The following PHIP variants were observed in gnomAD, a reference collection of about 807,000 sequenced individuals.
The protein encoded by PHIP is PHIP subunit of CUL4-Ring ligase complex, also known as PH-interacting protein.
PHIP carries 54 observed loss-of-function variants against 236.8 expected under a neutral mutation model. The ratio of observed to expected loss-of-function variants is 0.23; its 90% CI spans 0.18 to 0.29. The LOEUF (loss-of-function observed/expected upper bound fraction) is 0.29, where lower values mean the gene tolerates loss of function less well. Among genes scored for constraint, PHIP ranks in the 10% least tolerant of loss-of-function variants. The probability of loss-of-function intolerance (pLI) is 1.00; values close to 1 mark genes in which losing one functional copy is unlikely to be tolerated. For synonymous variants in PHIP, 756 were observed against 718.9 expected (o/e 1.05, Z -0.83); for missense variants, 1,370 against 2,190.8 (o/e 0.63, Z 7.48).
At chr6:78,942,178 T>C (rs969138236) in intron 39 of PHIP, among the ~76,000 whole-genome samples, 1 of 152,138 alleles carries the variant, frequency 6.6e-6, no homozygotes, top group Non-Finnish European at 1.5e-5. Context: ...GAACTGTACT[T>C]TGTAAATAAG....
chr6:78,969,282 C>T (rs73464119), intron 27 of PHIP, among the ~76,000 whole-genome samples: 3,223 of 152,220 alleles, frequency 0.021, 118 homozygotes, highest in African/African-American at 0.073. Flanking sequence ...CCATACATAC[C>T]GTGTACACAT....
chr6:78,967,718 G>A (rs1767235095), intron 27 of PHIP, among the ~76,000 whole-genome samples: 1 of 152,170 alleles, frequency 6.6e-6, no homozygotes, highest in South Asian at 2.1e-4. Flanking sequence ...TTAATTCTCT[G>A]TGATTTGTCC....
intron 24 of PHIP, among the ~76,000 whole-genome samples, chr6:78,971,470 A>G (rs916988736): frequency 2.4e-4 from 37 of 152,324 alleles, no homozygotes; most frequent in African/African-American, 8.7e-4. Context: ...ATTTTGGGAT[A>G]GCCACTATCC....
chr6:79,046,453 T>C (rs1407678145), intron 6 of PHIP, among the ~76,000 whole-genome samples: 1 of 151,638 alleles, frequency 6.6e-6, no homozygotes. Context: ...ATTATATTCA[T>C]TGCTTATTTC....
In PHIP at chr6:78,946,013, G is replaced by T; in HGVS notation, c.4618C>A (p.Pro1540Thr). ...FITKANASAI[P>T]GKTILENSVK... is the part of the protein sequence containing the mutation. ...AAGTGAGTCTTACTTGTTTTCCCTG[G>T]TATTGCAGATGCATTAGCTTTTGTA... Residue 1540 changes from proline (P) to threonine (T), a missense_variant, in exon 38 of 40, where the codon CCA becomes ACA. Physicochemically the swap from Pro to Thr is conservative, Grantham distance 38. This residue lies in a region of PHIP where 309 missense variants were observed against 328.3 expected (regional missense o/e 0.94). Transcript: ENST00000275034. 1 of 1,605,518 alleles carries T rather than the reference G, an allele frequency of 6.2e-7. No homozygotes were observed. Among genetic ancestry groups the T allele is most frequent in the Non-Finnish European group, 8.5e-7 (1 of 1,172,410 alleles).
chr6:78,972,993 C>T lies in PHIP; in HGVS notation c.2890-2105G>A, dbSNP rs887479169. Among the ~76,000 whole-genome samples, 7 of 152,218 alleles carry T rather than the reference C, an allele frequency of 4.6e-5. 1 individual carries two copies. Among genetic ancestry groups the T allele is most frequent in the South Asian group, 4.1e-4 (2 of 4,820 alleles). On this transcript the variant is annotated intron_variant, in intron 24 of 39. Coordinates refer to ENST00000275034, the MANE Select transcript of PHIP (RefSeq NM_017934.7). ...CGAGAATTTCCCCAATCTAGCAAGG[C>T]AGGCCAACGTTGAGATTCAGGAAAT...
chr6:78,986,022 T>C (rs1403255036), intron 21 of PHIP, among the ~76,000 whole-genome samples: 1 of 152,212 alleles, frequency 6.6e-6, no homozygotes, highest in African/African-American at 2.4e-5. Context: ...GATAAAATGA[T>C]AACAAATTCC....
At chr6:78,943,552 T>C (rs889814833) in intron 39 of PHIP, among the ~76,000 whole-genome samples, 5 of 152,212 alleles carry the variant, frequency 3.3e-5, no homozygotes, top group Non-Finnish European at 4.4e-5. Context: ...ACACTTATTA[T>C]CTTCTGTATA....
intron 15 of PHIP, among the ~76,000 whole-genome samples, chr6:79,008,768 A>G (rs1266822759): frequency 2.0e-5 from 3 of 152,172 alleles, no homozygotes; most frequent in Non-Finnish European, 4.4e-5. Flanking sequence ...TCCAAGTGCC[A>G]GCTGGCCATT....
In PHIP at chr6:78,958,587, G is replaced by C. The variant is rs1766574269; in HGVS notation, c.3670C>G (p.Leu1224Val). The change falls in exon 32 of 40, where the codon CTA (leucine) becomes GTA (valine). Residue 1224 changes from leucine to valine, a missense_variant. Physicochemically the swap from Leu to Val is conservative, Grantham distance 32. This residue lies in a region of PHIP where 238 missense variants were observed against 398.5 expected (regional missense o/e 0.60). Transcript: ENST00000275034. Reference sequence around the variant, plus strand: ...TCTATATATCGAACTTCCCACATTAGGGAAGAAACCCGCCTTAAAAAAACA... The same window carrying C: ...TCTATATATCGAACTTCCCACATTACGGAAGAAACCCGCCTTAAAAAAACA... ...ENRFYRRVSSLMWEVRYIEHN... is the reference protein window; with the variant it reads ...ENRFYRRVSSVMWEVRYIEHN... The C allele has an allele frequency of 6.4e-7, 1 of 1,569,102 alleles. No individual in the cohort carries two copies. The highest frequency in any genetic ancestry group is 1.4e-5 in the African/African-American group (1 of 73,714).
intron 24 of PHIP, among the ~76,000 whole-genome samples, chr6:78,975,383 C>G (rs1339210875): frequency 6.6e-6 from 1 of 152,036 alleles, no homozygotes; most frequent in Middle Eastern, 3.2e-3. Context: ...TCAAAATAAT[C>G]AGAGCTATCT....
chr6:79,021,308 G>A (rs1311372702), intron 9 of PHIP, among the ~76,000 whole-genome samples: 6 of 152,200 alleles, frequency 3.9e-5, no homozygotes, highest in African/African-American at 7.2e-5. Flanking sequence ...CACCATGCCC[G>A]GCTAATTCTT....
At chr6:78,946,686 G>C in intron 37 of PHIP, 25 bp downstream of exon 37, 1 of 1,524,226 alleles carries the variant, frequency 6.6e-7, no homozygotes, top group Non-Finnish European at 8.7e-7. Context: ...AGATCAGCTA[G>C]TGGTATTTAA....
At position 79,077,834 on chromosome 6, in the gene PHIP, CCGCGCCG is replaced by C. The variant is rs978717840; in HGVS notation, c.99+14_99+20del. 4.9e-6 allele frequency: 7 copies of C among 1,427,932 alleles called. No homozygotes were observed. In the South Asian group the frequency reaches 5.4e-5, roughly 11 times the overall value. 88.5% of individuals were successfully genotyped at this position (1,427,932 alleles called of 1,614,324 possible). A position where few individuals can be genotyped will look rare whatever the true frequency, so the allele number is the denominator to read the frequency against. On this transcript the variant is annotated intron_variant, in intron 2 of 39. Coordinates refer to ENST00000275034, the MANE Select transcript of PHIP (RefSeq NM_017934.7). ...CGCGAGCGGCGAGCGCCGGCCCGGC[CCGCGCCG>C]CGCGCCGCCGTACCTGAGCCGCCTG...
intron 20 of PHIP, 39 bp downstream of exon 20, chr6:78,990,829 A>T: frequency 8.4e-7 from 1 of 1,185,450 alleles, no homozygotes; most frequent in Non-Finnish European, 1.2e-6. Context: ...CACTATACTT[A>T]AGAAGCAAAT....
At chr6:79,047,716 TAC>T (rs1004270045) in intron 6 of PHIP, among the ~76,000 whole-genome samples, 3 of 152,110 alleles carry the variant, frequency 2.0e-5, no homozygotes, top group South Asian at 2.1e-4. Flanking sequence ...TCACAAATTT[TAC>T]ACAGTCAATT....
At chr6:78,963,300 A>C (rs111935183) in intron 29 of PHIP, 48 bp from the exon 30 acceptor site, 5 of 1,468,698 alleles carry the variant, frequency 3.4e-6, no homozygotes, top group African/African-American at 1.4e-5. Flanking sequence ...ACTTATTAGT[A>C]TTCAGGTTAG....
chr6:78,980,176 T>G (rs548581544), intron 23 of PHIP, among the ~76,000 whole-genome samples: 27 of 152,066 alleles, frequency 1.8e-4, no homozygotes, highest in African/African-American at 6.5e-4. Flanking sequence ...TTCATAAATT[T>G]TTATCGGAAC....
At chr6:78,971,522 G>C (rs1007972908) in intron 24 of PHIP, among the ~76,000 whole-genome samples, 1 of 152,164 alleles carries the variant, frequency 6.6e-6, no homozygotes, top group African/African-American at 2.4e-5. Flanking sequence ...TTGCGGGGAG[G>C]GGCCAAGATG....
Sources: allele counts gnomAD v4.1 joint callset (sites outside exome capture counted in the v4.1 genomes callset), GRCh38; gene constraint gnomAD v4.1.1; regional missense constraint gnomAD v4.1.1; transcripts MANE v1.5; gene names NCBI Gene and HGNC (gene_info 2026-07-23, HGNC 2026-07-21).